Variants in L3MBTL4 observed in about 807,000 individuals in gnomAD.
L3MBTL4 encodes lethal(3)malignant brain tumor-like protein 4.
In L3MBTL4, 70 loss-of-function variants were observed where a neutral mutation model predicts 84.5. That is an observed-to-expected ratio of 0.83 (90% confidence interval 0.68 to 1.01). The LOEUF (loss-of-function observed/expected upper bound fraction) is 1.01, where lower values mean the gene tolerates loss of function less well. L3MBTL4 is among the 50% of genes least tolerant of loss of function. The pLI, the probability that L3MBTL4 is intolerant of heterozygous loss-of-function variation, is 0.00. For synonymous variants in L3MBTL4, 274 were observed against 259.8 expected (o/e 1.05, Z -0.52); for missense variants, 715 against 754.8 (o/e 0.95, Z 0.62).
At chr18:6,128,036 G>GGGGA (rs1555663031) in intron 14 of L3MBTL4, among the ~76,000 whole-genome samples, 2 of 134,910 alleles carry the variant, frequency 1.5e-5, no homozygotes, top group African/African-American at 6.5e-5. Context: ...TATTGGGTGG[G>GGGGA]GCGGGGGAAG....
chr18:6,252,539 A>G (rs910380063), intron 5 of L3MBTL4, among the ~76,000 whole-genome samples: 3 of 152,202 alleles, frequency 2.0e-5, no homozygotes, highest in African/African-American at 7.2e-5. Flanking sequence ...AGAGAGGAGA[A>G]CAGACAGAGA....
At position 5,997,112 on chromosome 18, in the gene L3MBTL4, T is replaced by G. The variant is rs117705508; in HGVS notation, c.1445-27550A>C. Among the ~76,000 whole-genome samples the G allele has an allele frequency of 6.0e-5, 9 of 150,664 alleles. No individual in the cohort carries two copies. The East Asian group carries it at 1.7e-3, about 29-fold the overall frequency. On this transcript the variant is annotated intron_variant, in intron 16 of 18. Coordinates refer to ENST00000317931, the MANE Select transcript of L3MBTL4 (RefSeq NM_001330559.2). ...AAAAACACTACAAGTAAAAAAGCAATTAAGTATTAATATAATAACTGTGTA... is the reference window on the plus strand; with the variant it reads ...AAAAACACTACAAGTAAAAAAGCAAGTAAGTATTAATATAATAACTGTGTA...
At position 6,288,091 on chromosome 18, in the gene L3MBTL4, A is replaced by T. The variant is rs75827849; in HGVS notation, c.127+13812T>A. Among the ~76,000 whole-genome samples, 1,009 of 152,354 alleles carry T rather than the reference A, an allele frequency of 6.6e-3. 5 individuals are homozygous for T. Among genetic ancestry groups the T allele is most frequent in the Middle Eastern group, 0.02 (6 of 294 alleles). ...AAGTTTGACCCTATCCCATTTTGTC[A>T]GAAAAATAATCTGGATCCAACTGTC... On this transcript the variant is annotated intron_variant, in intron 4 of 18. Coordinates refer to ENST00000317931, the MANE Select transcript of L3MBTL4 (RefSeq NM_001330559.2).
At chr18:6,316,813 A>G (rs899198411) in intron 1 of L3MBTL4, among the ~76,000 whole-genome samples, 1 of 152,070 alleles carries the variant, frequency 6.6e-6, no homozygotes, top group Non-Finnish European at 1.5e-5. Flanking sequence ...CTTCCCCCTG[A>G]TGAGACCTCA....
chr18:6,401,752 G>A (rs1435030540), intron 1 of L3MBTL4, among the ~76,000 whole-genome samples: 1 of 152,230 alleles, frequency 6.6e-6, no homozygotes, highest in African/African-American at 2.4e-5. Flanking sequence ...CCCACATACT[G>A]TGTGGTGACA....
chr18:5,998,989 T>TA (rs1215672771), intron 16 of L3MBTL4, among the ~76,000 whole-genome samples: 12 of 152,180 alleles, frequency 7.9e-5, no homozygotes, highest in African/African-American at 2.9e-4. Context: ...ACAAACCAGA[T>TA]ACTCAGTTAA....
chr18:6,049,940 A>T (rs560233886), intron 16 of L3MBTL4, among the ~76,000 whole-genome samples: 119 of 152,292 alleles, frequency 7.8e-4, no homozygotes, highest in Non-Finnish European at 1.2e-3. Context: ...CACAGAGCAC[A>T]CCTCTGCAAT....
At chr18:6,331,674 G>A (rs2052039992) in intron 1 of L3MBTL4, among the ~76,000 whole-genome samples, 1 of 152,046 alleles carries the variant, frequency 6.6e-6, no homozygotes, top group Non-Finnish European at 1.5e-5. Flanking sequence ...AACAAACTTG[G>A]TAAGATACGA....
At chr18:6,110,315 C>G (rs903894365) in intron 14 of L3MBTL4, among the ~76,000 whole-genome samples, 1 of 152,074 alleles carries the variant, frequency 6.6e-6, no homozygotes, top group African/African-American at 2.4e-5. Flanking sequence ...ACCTGGTCTG[C>G]TTTTGTATCT....
In L3MBTL4 at chr18:6,264,024, C is replaced by G; in HGVS notation, c.142G>C (p.Ala48Pro). 1 of 1,612,356 alleles carries G rather than the reference C, an allele frequency of 6.2e-7. No homozygotes were observed. The highest frequency in any genetic ancestry group is 8.5e-7 in the Non-Finnish European group (1 of 1,178,356). The change falls in exon 5 of 19, where the codon GCA becomes CCA. Residue 48 changes from alanine (A) to proline (P), a missense_variant. By Grantham distance (27) the Ala-to-Pro change is conservative. Coordinates refer to ENST00000317931, the MANE Select transcript of L3MBTL4 (RefSeq NM_001330559.2). ...TPLSHVPSAA[A>P]QGAWSWEWYL... is the part of the protein sequence containing the mutation. ...CACTCCCAAGACCATGCTCCCTGTG[C>G]AGCCGCTGAAGGGACTGGAAGAGAA...
At chr18:6,015,884 C>T (rs142951837) in intron 16 of L3MBTL4, among the ~76,000 whole-genome samples, 32 of 152,238 alleles carry the variant, frequency 2.1e-4, no homozygotes, top group Non-Finnish European at 2.5e-4. Context: ...CGCTTGAATC[C>T]GGGACGCGGA....
chr18:6,291,565 T>C (rs1363677790), intron 4 of L3MBTL4, among the ~76,000 whole-genome samples: 1 of 152,106 alleles, frequency 6.6e-6, no homozygotes, highest in Non-Finnish European at 1.5e-5. Flanking sequence ...CCAACTTATC[T>C]TCAACAAAAT....
intron 16 of L3MBTL4, among the ~76,000 whole-genome samples, chr18:6,075,157 T>G (rs1371451920): frequency 6.6e-6 from 1 of 152,126 alleles, no homozygotes; most frequent in Non-Finnish European, 1.5e-5. Context: ...CAGAGTAGTT[T>G]GTATGATGTG....
chr18:6,410,682 T>A (rs1327021031), intron 1 of L3MBTL4, among the ~76,000 whole-genome samples: 2 of 152,202 alleles, frequency 1.3e-5, no homozygotes, highest in African/African-American at 2.4e-5. Flanking sequence ...TGAAAAGAAA[T>A]GAGATGCATG....
At chr18:6,199,612 C>T (rs556207933) in intron 12 of L3MBTL4, among the ~76,000 whole-genome samples, 42 of 152,146 alleles carry the variant, frequency 2.8e-4, no homozygotes, top group Admixed American at 8.5e-4. Flanking sequence ...TGCCATGAGA[C>T]GGGAAGAAAG....
At position 6,239,893 on chromosome 18, in the gene L3MBTL4, G is replaced by A. The variant is rs114718838; in HGVS notation, c.553-21C>T. On this transcript the variant is annotated intron_variant, in intron 8 of 18. Transcript: ENST00000317931. ...CCATTCTAACGCAGCACCAGCAGGGGAAGAAGCACAAAAAGAAACAGGACA... is the reference window on the plus strand; with the variant it reads ...CCATTCTAACGCAGCACCAGCAGGGAAAGAAGCACAAAAAGAAACAGGACA... 825 of 1,613,456 alleles carry A rather than the reference G, an allele frequency of 5.1e-4. 4 individuals are homozygous for A. The African/African-American group carries it at 9.7e-3, about 19-fold the overall frequency.
At chr18:6,015,172 C>T (rs963221435) in intron 16 of L3MBTL4, among the ~76,000 whole-genome samples, 2 of 152,074 alleles carry the variant, frequency 1.3e-5, no homozygotes, top group Admixed American at 1.3e-4. Flanking sequence ...GTATTCTGCA[C>T]AAACACTGCT....
intron 12 of L3MBTL4, among the ~76,000 whole-genome samples, chr18:6,175,638 C>T (rs2044194476): frequency 6.6e-6 from 1 of 152,148 alleles, no homozygotes; most frequent in African/African-American, 2.4e-5. Flanking sequence ...AAGTTCAATA[C>T]ACAATGACAA....
chr18:6,171,805 A>T (rs375098748), intron 13 of L3MBTL4, 23 bp downstream of exon 13: 2 of 1,381,112 alleles, frequency 1.4e-6, no homozygotes, highest in East Asian at 5.1e-5. Flanking sequence ...TTAAAAAGCA[A>T]CAACAAAGAG....
Sources: allele counts gnomAD v4.1 joint callset (sites outside exome capture counted in the v4.1 genomes callset), GRCh38; gene constraint gnomAD v4.1.1; transcripts MANE v1.5; gene names NCBI Gene and HGNC (gene_info 2026-07-23, HGNC 2026-07-21).